The following KIRREL3 variants were observed in gnomAD, a reference collection of about 807,000 sequenced individuals.
The protein encoded by KIRREL3 is kirre like nephrin family adhesion molecule 3.
KIRREL3 carries 36 observed loss-of-function variants against 89.7 expected under a neutral mutation model. The observed-to-expected ratio is 0.40, with a 90% CI of 0.31 to 0.53. The LOEUF is 0.53. KIRREL3 is among the 20% of genes least tolerant of loss of function. The pLI is 0.49. For synonymous variants in KIRREL3, 445 were observed against 441.4 expected, an observed-to-expected ratio of 1.01 and a Z score of -0.10; for missense variants, 864 against 1,056.6, an observed-to-expected ratio of 0.82 and a Z score of 2.53.
rs138112843 is a variant in KIRREL3 at position 126,430,137 on chromosome 11, C to CAAAAAAAA, written c.1697-857_1697-850dup. ...TGGGCAACAGGATGAGACTCTGTCT[C>CAAAAAAAA]AAAAAAAAAAAAGGAAATTCTTGAG... is the stretch of plus-strand genomic sequence containing the variant. On this transcript the variant is annotated intron_variant, in intron 14 of 16. Coordinates refer to ENST00000525144, the MANE Select transcript of KIRREL3 (RefSeq NM_032531.4). This position sits in a 1 kb window ranked among gnomAD's most constrained non-coding sequence, Gnocchi z 6.6. 0.033 allele frequency among the ~76,000 whole-genome samples: 4,198 copies of CAAAAAAAA among 127,138 alleles called. 76 individuals are homozygous for CAAAAAAAA. The highest frequency in any genetic ancestry group is 0.06 in the African/African-American group (1,980 of 33,190). 83.4% of individuals were successfully genotyped at this position (127,138 alleles called of 152,430 possible).
rs138491606 is a variant in KIRREL3 at position 126,522,500 on chromosome 11, C to T, written c.284-1036G>A. ...GTCCTGGTGACGCACTTATGAAGTG[C>T]TCAGGACGCTTAAGAATTGGGGGCC... is the stretch of plus-strand genomic sequence containing the variant. On this transcript the variant is annotated intron_variant, in intron 3 of 16. Coordinates refer to ENST00000525144, the MANE Select transcript of KIRREL3 (RefSeq NM_032531.4). This position sits in a 1 kb window ranked among gnomAD's most constrained non-coding sequence, Gnocchi z 6.0. 6.6e-6 allele frequency among the ~76,000 whole-genome samples: 1 copy of T among 152,286 alleles called. No homozygotes were observed. Among genetic ancestry groups the T allele is most frequent in the Non-Finnish European group, 1.5e-5 (1 of 68,024 alleles).
Position 126,570,074 on chromosome 11 carries a change from A to G in KIRREL3, c.56-7162T>C, listed in dbSNP as rs1159686899. ...AAAGAGGACTGAAGAGTGGAGTAGC[A>G]AAGGTATATTAATCCTGACTAGTGC... On this transcript the variant is annotated intron_variant, in intron 1 of 16. Transcript: ENST00000525144. This position sits in a 1 kb window ranked among gnomAD's most constrained non-coding sequence, Gnocchi z 6.1. Among the ~76,000 whole-genome samples, 7 of 152,182 alleles carry G rather than the reference A, an allele frequency of 4.6e-5. No individual in the cohort carries two copies. Among genetic ancestry groups the G allele is most frequent in the African/African-American group, 1.7e-4 (7 of 41,438 alleles).
In KIRREL3 at chr11:126,634,759, T is replaced by C. The variant is rs1944195127; in HGVS notation, c.56-71847A>G. 2.0e-5 allele frequency among the ~76,000 whole-genome samples: 3 copies of C among 152,176 alleles called. No homozygotes were observed. The South Asian group carries it at 6.2e-4, about 32-fold the overall frequency. ...CCATTGCCCCCTAGCCTAGAATACT[T>C]GCTCCCTGCTCAGTAAAGAATCAAA... On this transcript the variant is annotated intron_variant, in intron 1 of 16. Transcript: ENST00000525144.
chr11:126,945,742 T>C (rs1948604385), intron 1 of KIRREL3, among the ~76,000 whole-genome samples: 1 of 152,144 alleles, frequency 6.6e-6, no homozygotes, highest in Non-Finnish European at 1.5e-5. Flanking sequence ...AGGTAGGCCA[T>C]CAATCATCCT....
chr11:126,708,402 G>T lies in KIRREL3; in HGVS notation c.56-145490C>A, dbSNP rs939362966. Reference sequence around the variant, plus strand: ...ATTTGTTTTTCTCTTGGAAAATGGGGAAGTACATCTGTAATTCAGCTGTGA... The same window carrying T: ...ATTTGTTTTTCTCTTGGAAAATGGGTAAGTACATCTGTAATTCAGCTGTGA... On this transcript the variant is annotated intron_variant, in intron 1 of 16. Coordinates refer to ENST00000525144, the MANE Select transcript of KIRREL3 (RefSeq NM_032531.4). The surrounding 1 kb of genome is among the most constrained non-coding windows in gnomAD (Gnocchi z 5.7). Among the ~76,000 whole-genome samples, 2 of 152,216 alleles carry T rather than the reference G, an allele frequency of 1.3e-5. No homozygotes were observed. Among genetic ancestry groups the T allele is most frequent in the South Asian group, 2.1e-4 (1 of 4,834 alleles).
At position 126,685,487 on chromosome 11, in the gene KIRREL3, C is replaced by T. The variant is rs1405474182; in HGVS notation, c.56-122575G>A. 2.6e-5 allele frequency among the ~76,000 whole-genome samples: 4 copies of T among 152,060 alleles called. No individual in the cohort carries two copies. The highest frequency in any genetic ancestry group is 5.9e-5 in the Non-Finnish European group (4 of 67,986). ...GAGACTGGCTCAGAAAAGGGGTCTGCCCCCAGTGCATAATAATAGCAGTGA... is the reference window on the plus strand; with the variant it reads ...GAGACTGGCTCAGAAAAGGGGTCTGTCCCCAGTGCATAATAATAGCAGTGA... On this transcript the variant is annotated intron_variant, in intron 1 of 16. Transcript: ENST00000525144. The surrounding 1 kb of genome is among the most constrained non-coding windows in gnomAD (Gnocchi z 5.5).
chr11:126,447,609 C>T (rs1440522784), intron 8 of KIRREL3, among the ~76,000 whole-genome samples: 1 of 152,166 alleles, frequency 6.6e-6, no homozygotes, highest in Non-Finnish European at 1.5e-5. Context: ...TGAATGCAGG[C>T]TCCTCTCCAC....
At chr11:126,534,652 A>G (rs648002) in intron 2 of KIRREL3, among the ~76,000 whole-genome samples, 120,450 of 152,192 alleles carry the variant, frequency 0.79, 47,870 homozygotes, top group East Asian at 1. Flanking sequence ...GCACTGCGCC[A>G]TCTGTCCCGG....
Position 126,424,877 on chromosome 11 carries a change from G to A in KIRREL3, c.2040C>T (p.Ser680=), listed in dbSNP as rs1265263065. 4 of 1,613,054 alleles carry A rather than the reference G, an allele frequency of 2.5e-6. No homozygotes were observed. The African/African-American group carries it at 4.0e-5, about 16-fold the overall frequency. The part of the protein sequence containing the change: ...PTGMSFTNIY[S]TLSGQGRLYD... ...AGAGGCGGCCCTGGCCGCTCAGGGT[G>A]CTGTAGATGTTGGTGAAGGACATGC... The change falls in exon 17 of 17, where the codon AGC becomes AGT. Residue 680 remains serine (S), a synonymous_variant. Coordinates refer to ENST00000525144, the MANE Select transcript of KIRREL3 (RefSeq NM_032531.4).
intron 1 of KIRREL3, among the ~76,000 whole-genome samples, chr11:126,919,685 T>A (rs1022602361): frequency 2.0e-5 from 3 of 152,196 alleles, no homozygotes; most frequent in African/African-American, 7.2e-5. Context: ...ACAGTTGAGG[T>A]CTTTGTGGTC....
intron 1 of KIRREL3, among the ~76,000 whole-genome samples, chr11:126,681,368 T>C (rs997934680): frequency 2.0e-5 from 3 of 152,230 alleles, no homozygotes; most frequent in African/African-American, 7.2e-5. Context: ...GAAATCATTC[T>C]GAGTTTTATT....
rs146803972 is a variant in KIRREL3 at position 126,562,808 on chromosome 11, C to A, written c.133+27G>T. 6.2e-7 allele frequency: 1 copy of A among 1,600,648 alleles called. No homozygotes were observed. The highest frequency in any genetic ancestry group is 1.7e-5 in the Admixed American group (1 of 59,986). On this transcript the variant is annotated intron_variant, in intron 2 of 16. Coordinates refer to ENST00000525144, the MANE Select transcript of KIRREL3 (RefSeq NM_032531.4). This position sits in a 1 kb window ranked among gnomAD's most constrained non-coding sequence, Gnocchi z 4.7. ...GAGCTTCCTCCCTCCAGATTACTCC[C>A]GAGACAATGGGGAGGTTCTCACTGA...
At chr11:126,899,121 G>A (rs917278873) in intron 1 of KIRREL3, among the ~76,000 whole-genome samples, 4 of 151,956 alleles carry the variant, frequency 2.6e-5, no homozygotes, top group Non-Finnish European at 5.9e-5. Flanking sequence ...TCACAAGGAT[G>A]GGAAAAAACC....
At position 126,683,125 on chromosome 11, in the gene KIRREL3, C is replaced by A. The variant is rs1456263000; in HGVS notation, c.56-120213G>T. On this transcript the variant is annotated intron_variant, in intron 1 of 16. Coordinates refer to ENST00000525144, the MANE Select transcript of KIRREL3 (RefSeq NM_032531.4). This position sits in a 1 kb window ranked among gnomAD's most constrained non-coding sequence, Gnocchi z 5.2. ...ACCGCCTCAGCCTTCCAAAGTGTTG[C>A]AATTACAAGCGTGAGCCACAGCACC... 6.6e-6 allele frequency among the ~76,000 whole-genome samples: 1 copy of A among 152,082 alleles called. No homozygotes were observed.
chr11:126,847,035 G>A lies in KIRREL3; in HGVS notation c.55+153420C>T, dbSNP rs560518114. Among the ~76,000 whole-genome samples the A allele has an allele frequency of 4.6e-5, 7 of 152,160 alleles. No homozygotes were observed. The South Asian group carries it at 6.2e-4, about 14-fold the overall frequency. On this transcript the variant is annotated intron_variant, in intron 1 of 16. Coordinates refer to ENST00000525144, the MANE Select transcript of KIRREL3 (RefSeq NM_032531.4). The stretch of plus-strand genomic sequence containing the variant: ...AACAAAATTACAAAGGGTTATAAAA[G>A]GTTTATGAAGATCTTACCTTATGGT...
At chr11:126,438,546 CA>C (rs1270607468) in intron 11 of KIRREL3, among the ~76,000 whole-genome samples, 2 of 152,196 alleles carry the variant, frequency 1.3e-5, no homozygotes, top group Admixed American at 1.3e-4. Flanking sequence ...CAGGCACTGC[CA>C]AATGTCCCCT....
chr11:126,449,273 T>C (rs1955937726), intron 7 of KIRREL3, 116 bp from the exon 8 acceptor site: 1 of 1,110,250 alleles, frequency 9.0e-7, no homozygotes, highest in East Asian at 2.4e-5. Flanking sequence ...AAGTGGGGAG[T>C]CCTCTGGGGT....
intron 1 of KIRREL3, among the ~76,000 whole-genome samples, chr11:126,818,479 C>T (rs921136786): frequency 2.6e-5 from 4 of 152,178 alleles, no homozygotes; most frequent in Admixed American, 6.5e-5. Context: ...CTTATGATAA[C>T]ATCTCTTTTA....
chr11:126,958,360 G>T (rs899168538), intron 1 of KIRREL3, among the ~76,000 whole-genome samples: 2 of 152,192 alleles, frequency 1.3e-5, no homozygotes, highest in Admixed American at 1.3e-4. Flanking sequence ...TCTATAAGAG[G>T]CTCCTCCATT....
Sources: allele counts gnomAD v4.1 joint callset (sites outside exome capture counted in the v4.1 genomes callset), GRCh38; gene constraint gnomAD v4.1.1; non-coding constraint Gnocchi (gnomAD v3.1); transcripts MANE v1.5; gene names NCBI Gene and HGNC (gene_info 2026-07-23, HGNC 2026-07-21).